R3HDM2: variants seen among roughly 807,000 people sequenced by gnomAD.
The protein encoded by R3HDM2 is R3H domain containing 2.
Under a neutral mutation model 124.5 loss-of-function variants are expected in R3HDM2, and 38 were observed. The observed-to-expected ratio is 0.31, with a 90% CI of 0.24 to 0.40. R3HDM2 has a LOEUF of 0.40. Among genes scored for constraint, R3HDM2 ranks in the 10% least tolerant of loss-of-function variants. R3HDM2 has a pLI of 1.00. For synonymous variants in R3HDM2, 391 were observed against 448.0 expected, an observed-to-expected ratio of 0.87 and a Z score of 1.61; for missense variants, 869 against 1,236.9, an observed-to-expected ratio of 0.70 and a Z score of 4.46.
chr12:57,344,473 T>G (rs1304305308), intron 2 of R3HDM2, among the ~76,000 whole-genome samples: 1 of 152,118 alleles, frequency 6.6e-6, no homozygotes, highest in African/African-American at 2.4e-5. Context: ...TCAAGATAAT[T>G]TGAATTTGTA....
chr12:57,420,219 T>G (rs2070056097), intron 1 of R3HDM2, among the ~76,000 whole-genome samples: 1 of 152,204 alleles, frequency 6.6e-6, no homozygotes, highest in South Asian at 2.1e-4. Context: ...ATGCTCGAGT[T>G]TGTCATCTTA....
chr12:57,360,048 T>TA (rs58471413), intron 2 of R3HDM2, among the ~76,000 whole-genome samples: 15,903 of 56,474 alleles, frequency 0.28, 1,046 homozygotes, highest in Admixed American at 0.37. Flanking sequence ...TATATATATA[T>TA]TTTTTTTTTT....
At chr12:57,261,642 G>A (rs1362888709) in intron 19 of R3HDM2, among the ~76,000 whole-genome samples, 1 of 151,110 alleles carries the variant, frequency 6.6e-6, no homozygotes, top group East Asian at 1.9e-4. Flanking sequence ...TCACTTAGCT[G>A]AGAACACAGA....
chr12:57,292,975 C>G (rs2048963610), intron 10 of R3HDM2, among the ~76,000 whole-genome samples: 1 of 150,182 alleles, frequency 6.7e-6, no homozygotes, highest in Non-Finnish European at 1.5e-5. Context: ...AGCCTCCAGT[C>G]AGTAAGGATC....
At chr12:57,299,538 T>C (rs2050654285) in intron 5 of R3HDM2, 60 bp from the exon 6 acceptor site, 3 of 1,469,992 alleles carry the variant, frequency 2.0e-6, no homozygotes, top group Non-Finnish European at 1.8e-6. Context: ...TGCAGCTCCC[T>C]TGGAATCTCA....
chr12:57,333,862 G>C (rs562262459), intron 2 of R3HDM2, among the ~76,000 whole-genome samples: 1 of 151,672 alleles, frequency 6.6e-6, no homozygotes, highest in East Asian at 1.9e-4. Flanking sequence ...CTAACGTGGC[G>C]AAACCCCATC....
Position 57,421,201 on chromosome 12 carries a change from G to T in R3HDM2, c.-106+9519C>A, listed in dbSNP as rs1197861873. Among the ~76,000 whole-genome samples the T allele has an allele frequency of 2.8e-5, 3 of 107,134 alleles. No homozygotes were observed. In the Admixed American group the frequency reaches 3.6e-4, roughly 13 times the overall value. 70.3% of individuals were successfully genotyped at this position (107,134 alleles called of 152,430 possible). A position where few individuals can be genotyped will look rare whatever the true frequency, so the allele number is the denominator to read the frequency against. On this transcript the variant is annotated intron_variant, in intron 1 of 23. Transcript: ENST00000402412. ...TTTTCTGAGACAGAGTTTTGCTCTT[G>T]TTGCCCAGGCTGGTGTCTCGGCTCA... is the stretch of plus-strand genomic sequence containing the variant.
In R3HDM2 at chr12:57,256,033, T is replaced by C. The variant is rs1346316184; in HGVS notation, c.2589A>G (p.Gln863=). The change falls in exon 23 of 24, where the codon CAA becomes CAG. Residue 863 remains glutamine (Q), a synonymous_variant. Coordinates refer to ENST00000402412, the MANE Select transcript of R3HDM2 (RefSeq NM_001394031.1). ...GLKHGNRGKR[Q]ALKSASTDLG... ...GGTCAGTGGAGGCAGATTTGAGTGCTTGTCTCTTGCCCCGGTTTCCATGCT... is the reference window on the plus strand; with the variant it reads ...GGTCAGTGGAGGCAGATTTGAGTGCCTGTCTCTTGCCCCGGTTTCCATGCT... 1 of 1,614,036 alleles carries C rather than the reference T, an allele frequency of 6.2e-7. No individual in the cohort carries two copies. The highest frequency in any genetic ancestry group is 8.5e-7 in the Non-Finnish European group (1 of 1,180,024).
chr12:57,322,019 G>A (rs571019949), intron 2 of R3HDM2, among the ~76,000 whole-genome samples: 1 of 152,324 alleles, frequency 6.6e-6, no homozygotes, highest in South Asian at 2.1e-4. Context: ...CACGAGGCCA[G>A]GAGTTCGAGA....
At chr12:57,304,534 T>A (rs2052117394) in intron 3 of R3HDM2, 1 of 982,480 alleles carries the variant, frequency 1.0e-6, no homozygotes. Context: ...AGTTAGCAAA[T>A]AACACGGCCA....
At chr12:57,383,075 G>C (rs1165441889) in intron 2 of R3HDM2, among the ~76,000 whole-genome samples, 3 of 151,756 alleles carry the variant, frequency 2.0e-5, no homozygotes, top group Non-Finnish European at 4.4e-5. Flanking sequence ...GTAAAGTCTT[G>C]AACTCCTGAC....
At chr12:57,316,979 TC>T (rs2055181086) in intron 2 of R3HDM2, among the ~76,000 whole-genome samples, 1 of 152,074 alleles carries the variant, frequency 6.6e-6, no homozygotes, top group Non-Finnish European at 1.5e-5. Flanking sequence ...ACTCCTGACC[TC>T]AGGTAATCCA....
chr12:57,323,808 G>A (rs77564298), intron 2 of R3HDM2, among the ~76,000 whole-genome samples: 300 of 152,192 alleles, frequency 2.0e-3, no homozygotes, highest in Middle Eastern at 6.8e-3. Context: ...CCCTTTTTAC[G>A]TCCTAAAGTG....
In R3HDM2 at chr12:57,295,218, G is replaced by A. The variant is rs1592877088; in HGVS notation, c.810+181C>T. Among the ~76,000 whole-genome samples, 4 of 152,256 alleles carry A rather than the reference G, an allele frequency of 2.6e-5. No individual in the cohort carries two copies. In the South Asian group the frequency reaches 8.3e-4, roughly 32 times the overall value. On this transcript the variant is annotated intron_variant, in intron 10 of 23. Coordinates refer to ENST00000402412, the MANE Select transcript of R3HDM2 (RefSeq NM_001394031.1). ...CATGTCTCTCTAGGGCTAAGAGGGT[G>A]GCATCCAGTTCAACAAATAAACAGT... is the stretch of plus-strand genomic sequence containing the variant.
chr12:57,271,800 C>G (rs1285055396), intron 14 of R3HDM2, among the ~76,000 whole-genome samples: 1 of 152,052 alleles, frequency 6.6e-6, no homozygotes, highest in Non-Finnish European at 1.5e-5. Flanking sequence ...ATGTGCTACG[C>G]AATGGATGAG....
At chr12:57,411,225 A>G (rs2068974015) in intron 1 of R3HDM2, among the ~76,000 whole-genome samples, 1 of 152,218 alleles carries the variant, frequency 6.6e-6, no homozygotes, top group African/African-American at 2.4e-5. Flanking sequence ...TTTTTGAGAC[A>G]GCATCTCACT....
At chr12:57,421,868 G>A (rs1213964949) in intron 1 of R3HDM2, among the ~76,000 whole-genome samples, 2 of 151,960 alleles carry the variant, frequency 1.3e-5, no homozygotes, top group African/African-American at 4.8e-5. Context: ...AGGCCAAGGG[G>A]GGCGGATCAC....
At chr12:57,426,237 A>C (rs2070730783) in intron 1 of R3HDM2, among the ~76,000 whole-genome samples, 1 of 152,124 alleles carries the variant, frequency 6.6e-6, no homozygotes, top group Non-Finnish European at 1.5e-5. Context: ...CAAAAAAATA[A>C]ATTAATTAAT....
At chr12:57,272,254 A>T (rs1310341687) in intron 14 of R3HDM2, among the ~76,000 whole-genome samples, 2 of 152,092 alleles carry the variant, frequency 1.3e-5, no homozygotes, top group African/African-American at 4.8e-5. Context: ...TCTTACATTT[A>T]AGCATCTTTT....
Sources: gnomAD v4.1 joint callset for allele counts (sites outside exome capture counted in the v4.1 genomes callset) on GRCh38, gnomAD v4.1.1 for gene constraint, MANE v1.5 for transcripts, NCBI Gene and HGNC (gene_info 2026-07-23, HGNC 2026-07-21) for gene names.